The following LARP1B variants were observed in gnomAD, a reference collection of about 807,000 sequenced individuals.
LARP1B encodes La ribonucleoprotein 1B.
A neutral mutation model predicts 114.2 loss-of-function variants in LARP1B; 76 were observed. The observed-to-expected ratio is 0.67, with a 90% confidence interval of 0.55 to 0.81. The LOEUF is 0.81. Among genes scored for constraint, LARP1B ranks in the 30% least tolerant of loss-of-function variants. The pLI is 0.00. For missense variants in LARP1B, 1,014 were observed against 1,075.8 expected (o/e 0.94, Z 0.80); for synonymous variants, 345 against 348.0 (o/e 0.99, Z 0.10).
At chr4:128,113,444 C>A (rs1784789987) in intron 9 of LARP1B, among the ~76,000 whole-genome samples, 1 of 150,764 alleles carries the variant, frequency 6.6e-6, no homozygotes, top group African/African-American at 2.4e-5. Context: ...CGGATTCAAG[C>A]AATTCTCTGC....
chr4:128,212,438 A>G (rs1370363301), downstream of LARP1B, among the ~76,000 whole-genome samples: 1 of 151,812 alleles, frequency 6.6e-6, no homozygotes, highest in Non-Finnish European at 1.5e-5. Flanking sequence ...GAGATCAGAA[A>G]TGCGAGACCA....
At chr4:128,204,940 G>A (rs1343818843) in intron 17 of LARP1B, among the ~76,000 whole-genome samples, 3 of 152,040 alleles carry the variant, frequency 2.0e-5, no homozygotes, top group Non-Finnish European at 4.4e-5. Context: ...CTCCCCAGAT[G>A]ATTATAATGT....
At chr4:128,148,874 G>A (rs1466503958) in intron 11 of LARP1B, among the ~76,000 whole-genome samples, 2 of 152,290 alleles carry the variant, frequency 1.3e-5, no homozygotes, top group East Asian at 3.9e-4. Context: ...TAATCCACCT[G>A]CCTTGGCCTC....
At position 128,114,709 on chromosome 4, in the gene LARP1B, A is replaced by T; in HGVS notation, c.1128A>T (p.Lys376Asn). 6.2e-7 allele frequency: 1 copy of T among 1,614,132 alleles called. No individual in the cohort carries two copies. The highest frequency in any genetic ancestry group is 8.5e-7 in the Non-Finnish European group (1 of 1,180,018). Residue 376 changes from lysine (K) to asparagine (N), a missense_variant, in exon 10 of 20, where the codon AAA becomes AAT. Transcript: ENST00000326639. Reference protein sequence around the residue: ...DLDSEPWIEVKKRHQPAPVKL... With the variant: ...DLDSEPWIEVNKRHQPAPVKL... The stretch of plus-strand genomic sequence containing the variant: ...ACTCAGAACCTTGGATAGAAGTTAA[A>T]AAAAGACATCAGCCAGCCCCAGTGA...
intron 11 of LARP1B, among the ~76,000 whole-genome samples, chr4:128,159,784 A>T (rs967714603): frequency 1.3e-5 from 2 of 152,230 alleles, no homozygotes; most frequent in Non-Finnish European, 2.9e-5. Flanking sequence ...AGGTACAGCC[A>T]CTGTGAAAAA....
At chr4:128,110,007 A>T (rs111701994) in intron 9 of LARP1B, among the ~76,000 whole-genome samples, 1 of 152,038 alleles carries the variant, frequency 6.6e-6, no homozygotes, top group Non-Finnish European at 1.5e-5. Flanking sequence ...GGATTCAAGC[A>T]ATTCTCTTGC....
intron 4 of LARP1B, among the ~76,000 whole-genome samples, chr4:128,078,990 G>A (rs1329141900): frequency 6.6e-6 from 1 of 152,134 alleles, no homozygotes; most frequent in East Asian, 1.9e-4. Flanking sequence ...ATTCTCTGGA[G>A]GTGATATGGC....
chr4:128,066,470 G>T (rs576311073), intron 1 of LARP1B, among the ~76,000 whole-genome samples: 1 of 134,524 alleles, frequency 7.4e-6, no homozygotes, highest in Non-Finnish European at 1.6e-5. Flanking sequence ...GAGCCACTGC[G>T]CCCGGCCTTT....
intron 1 of LARP1B, 137 bp downstream of exon 1, chr4:128,061,538 C>T: frequency 3.2e-6 from 1 of 313,686 alleles, no homozygotes; most frequent in African/African-American, 2.3e-5. Context: ...GGGCGCTGCG[C>T]GGCCTCGGCG....
At chr4:128,156,850 A>G (rs1735906704) in intron 11 of LARP1B, among the ~76,000 whole-genome samples, 1 of 147,542 alleles carries the variant, frequency 6.8e-6, no homozygotes, top group Non-Finnish European at 1.5e-5. Context: ...AAATGGAATA[A>G]AAGGCTTGAA....
At chr4:128,163,219 G>A (rs1225088223) in intron 12 of LARP1B, among the ~76,000 whole-genome samples, 4 of 151,946 alleles carry the variant, frequency 2.6e-5, no homozygotes, top group African/African-American at 9.7e-5. Context: ...GAAGAAACTG[G>A]GTTGTTTGTC....
At chr4:128,068,971 C>G (rs1764140228) in intron 1 of LARP1B, 1 of 644,710 alleles carries the variant, frequency 1.6e-6, no homozygotes, top group Non-Finnish European at 2.6e-6. Flanking sequence ...CATGATTGTC[C>G]TAAATTGTTT....
chr4:128,114,980 C>T (rs2149906697), intron 10 of LARP1B, among the ~76,000 whole-genome samples: 1 of 152,122 alleles, frequency 6.6e-6, no homozygotes, highest in African/African-American at 2.4e-5. Context: ...CCCTATTGCC[C>T]AGGCTGGAGT....
chr4:128,087,414 A>G (rs1440102123), intron 5 of LARP1B, among the ~76,000 whole-genome samples: 1 of 152,204 alleles, frequency 6.6e-6, no homozygotes, highest in Non-Finnish European at 1.5e-5. Flanking sequence ...AAATATACCT[A>G]TGTAGAGGTA....
At chr4:128,139,869 A>G (rs1430832701) in intron 11 of LARP1B, among the ~76,000 whole-genome samples, 1 of 106,718 alleles carries the variant, frequency 9.4e-6, no homozygotes, top group African/African-American at 2.9e-5. Context: ...ATTTGGAGCA[A>G]GAACCTCAAT....
At chr4:128,118,071 A>C in intron 10 of LARP1B, among the ~76,000 whole-genome samples, 4 of 138,086 alleles carry the variant, frequency 2.9e-5, no homozygotes, top group Non-Finnish European at 1.5e-5. Context: ...ACAAACCAAC[A>C]GGCCCGGCTA....
chr4:128,179,446 C>T lies in LARP1B; in HGVS notation c.1937C>T (p.Pro646Leu). Residue 646 changes from proline (P) to leucine (L), a missense_variant, in exon 15 of 20, where the codon CCT becomes CTT. Transcript: ENST00000326639. ...AAAACAAGGCATAGCACAAATCCCC[C>T]TCTAGAGTGTCATGTTGGTTGGGTA... is the stretch of plus-strand genomic sequence containing the variant. ...KRKTRHSTNP[P>L]LECHVGWVMD... 2 of 1,611,086 alleles carry T rather than the reference C, an allele frequency of 1.2e-6. No individual in the cohort carries two copies. The highest frequency in any genetic ancestry group is 1.1e-5 in the South Asian group (1 of 90,444).
At chr4:128,134,925 C>T (rs1322932051) in intron 11 of LARP1B, among the ~76,000 whole-genome samples, 3 of 151,736 alleles carry the variant, frequency 2.0e-5, no homozygotes, top group Admixed American at 6.6e-5. Flanking sequence ...GCCAACATGG[C>T]GAAACTCCAT....
intron 11 of LARP1B, chr4:128,155,826 G>A (rs549936777): frequency 1.3e-6 from 2 of 1,580,646 alleles, no homozygotes; most frequent in African/African-American, 2.7e-5. Flanking sequence ...AGAAATCAGG[G>A]CTGCAGCGAG....
Sources: gnomAD v4.1 joint callset for allele counts (sites outside exome capture counted in the v4.1 genomes callset) on GRCh38, gnomAD v4.1.1 for gene constraint, MANE v1.5 for transcripts, NCBI Gene and HGNC (gene_info 2026-07-23, HGNC 2026-07-21) for gene names.